LRP2: variants seen among roughly 807,000 people sequenced by gnomAD.
The protein encoded by LRP2 is low-density lipoprotein receptor-related protein 2.
Under a neutral mutation model 531.0 loss-of-function variants are expected in LRP2, and 172 were observed. The observed-to-expected ratio is 0.32, with a 90% confidence interval of 0.29 to 0.37. LRP2 has a LOEUF of 0.37. LRP2 is among the 10% of genes least tolerant of loss of function. The probability of loss-of-function intolerance (pLI) is 1.00; values close to 1 mark genes in which losing one functional copy is unlikely to be tolerated. For synonymous variants in LRP2, 1,992 were observed against 2,027.6 expected, an observed-to-expected ratio of 0.98 and a Z score of 0.47; for missense variants, 5,167 against 5,868.3, an observed-to-expected ratio of 0.88 and a Z score of 3.90.
chr2:169,244,611 A>G, intron 22 of LRP2, 82 bp downstream of exon 22: 1 of 1,557,910 alleles, frequency 6.4e-7, no homozygotes, highest in Non-Finnish European at 8.8e-7. Flanking sequence ...CATGAGCCTT[A>G]GAGGAAAGAA....
At position 169,289,050 on chromosome 2, in the gene LRP2, G is replaced by A. The variant is rs777908550; in HGVS notation, c.1018C>T (p.His340Tyr). Reference protein sequence around the residue: ...CFCPPGYIINHNDSRTCVEFD... With the variant: ...CFCPPGYIINYNDSRTCVEFD... ...CCAACACAGGTACGGCTGTCATTGTGGTTGATGATATAACCTGGGGGACAA... is the reference window on the plus strand; with the variant it reads ...CCAACACAGGTACGGCTGTCATTGTAGTTGATGATATAACCTGGGGGACAA... The change falls in exon 9 of 79, where the codon CAC becomes TAC. Residue 340 changes from histidine to tyrosine, a missense_variant. Around this residue, in one of 6 missense-constraint regions of LRP2, gnomAD observed 2,811 missense variants for 3,058.0 expected, o/e 0.92. Coordinates refer to ENST00000649046, the MANE Select transcript of LRP2 (RefSeq NM_004525.3). 5 of 1,613,924 alleles carry A rather than the reference G, an allele frequency of 3.1e-6. No homozygotes were observed. The African/African-American group carries it at 4.0e-5, about 13-fold the overall frequency.
At chr2:169,300,142 C>T (rs1229541365) in intron 4 of LRP2, among the ~76,000 whole-genome samples, 1 of 152,096 alleles carries the variant, frequency 6.6e-6, no homozygotes, top group East Asian at 1.9e-4. Context: ...ATAATTATTG[C>T]ACACCTATAG....
At chr2:169,174,993 T>C (rs1331965601) in intron 55 of LRP2, among the ~76,000 whole-genome samples, 200 bp downstream of exon 55, 3 of 149,616 alleles carry the variant, frequency 2.0e-5, no homozygotes, top group Admixed American at 1.3e-4. Context: ...CTTCAACCAT[T>C]TGCCTTGTAA....
intron 76 of LRP2, among the ~76,000 whole-genome samples, chr2:169,136,788 T>A (rs969402511): frequency 2.6e-5 from 4 of 152,016 alleles, no homozygotes; most frequent in Admixed American, 2.0e-4. Context: ...GTGAAATAAA[T>A]AGCCTTGTTG....
chr2:169,294,178 A>G lies in LRP2; in HGVS notation c.622T>C (p.Cys208Arg). 1 of 1,613,770 alleles carries G rather than the reference A, an allele frequency of 6.2e-7. No homozygotes were observed. Among genetic ancestry groups the G allele is most frequent in the Non-Finnish European group, 8.5e-7 (1 of 1,179,636 alleles). Residue 208 changes from cysteine (C) to arginine (R), a missense_variant, in exon 6 of 79, where the codon TGC becomes CGC. This residue lies in a region of LRP2 where 2,811 missense variants were observed against 3,058.0 expected (regional missense o/e 0.92). Transcript: ENST00000649046. ...RAYVCDHDND[C>R]QDGSDEHACN... Reference sequence around the variant, plus strand: ...GCATGTTCGTCACTGCCGTCTTGGCAATCATTGTCATGGTCACAGACATAA... The same window carrying G: ...GCATGTTCGTCACTGCCGTCTTGGCGATCATTGTCATGGTCACAGACATAA...
At chr2:169,350,369 G>A (rs1685814515) in intron 1 of LRP2, among the ~76,000 whole-genome samples, 2 of 152,110 alleles carry the variant, frequency 1.3e-5, no homozygotes, top group African/African-American at 4.8e-5. Context: ...TAGTGGTCTG[G>A]ATTAGATTCA....
intron 17 of LRP2, 87 bp downstream of exon 17, chr2:169,258,938 A>G (rs1325854951): frequency 8.6e-7 from 1 of 1,156,160 alleles, no homozygotes; most frequent in East Asian, 2.3e-5. Flanking sequence ...TATTTGCTGA[A>G]CTTACCTAAA....
rs568387449 is a variant in LRP2, at chr2:169,233,457, T to C, written c.5052A>G (p.Gln1684=). The change falls in exon 30 of 79, where the codon CAA becomes CAG. Residue 1684 remains glutamine (Q), a synonymous_variant. Coordinates refer to ENST00000649046, the MANE Select transcript of LRP2 (RefSeq NM_004525.3). ...GAACCGCAACAATCCCAAGGGGCCATTGAATATTATACATTACAACTGACT... is the reference window on the plus strand; with the variant it reads ...GAACCGCAACAATCCCAAGGGGCCACTGAATATTATACATTACAACTGACT... ...GNQSVVMYNI[Q]WPLGIVAVHP... 2.2e-5 allele frequency: 35 copies of C among 1,614,186 alleles called. No individual in the cohort carries two copies. Among genetic ancestry groups the C allele is most frequent in the Non-Finnish European group, 2.6e-5 (31 of 1,180,040 alleles).
At chr2:169,222,718 T>A (rs1306236500) in intron 33 of LRP2, among the ~76,000 whole-genome samples, 1 of 152,224 alleles carries the variant, frequency 6.6e-6, no homozygotes, top group Non-Finnish European at 1.5e-5. Context: ...AAATATACTG[T>A]AATAACAATT....
intron 60 of LRP2, 49 bp from the exon 61 acceptor site, chr2:169,168,725 C>G: frequency 6.2e-7 from 1 of 1,604,760 alleles, no homozygotes; most frequent in Non-Finnish European, 8.5e-7. Context: ...AAATTGACTA[C>G]TTTGGGGAAG....
At chr2:169,324,630 G>GAAA (rs11324299) in intron 1 of LRP2, among the ~76,000 whole-genome samples, 2 of 141,616 alleles carry the variant, frequency 1.4e-5, no homozygotes, top group African/African-American at 5.1e-5. Context: ...AAAGCTAGGG[G>GAAA]AAAAAAAAAA....
rs756235379 is a variant in LRP2, at chr2:169,185,907, C to T, written c.9441G>A (p.Lys3147=). 8.1e-6 allele frequency: 13 copies of T among 1,613,786 alleles called. No homozygotes were observed. In the East Asian group the frequency reaches 2.2e-4, roughly 28 times the overall value. The change falls in exon 50 of 79, where the codon AAG becomes AAA. Residue 3147 remains lysine (K), a synonymous_variant. Transcript: ENST00000649046. ...CRPGYKLMSD[K]RTCVDIDECT... is the part of the protein sequence containing the mutation. ...ATTCATCAATATCAACACAAGTCCG[C>T]TTGTCAGACATGAGCTTGTAACCAG...
chr2:169,235,431 G>T (rs1026466042), intron 29 of LRP2, among the ~76,000 whole-genome samples: 1 of 151,676 alleles, frequency 6.6e-6, no homozygotes, highest in Non-Finnish European at 1.5e-5. Flanking sequence ...TAGAGATGAG[G>T]TTTCACCATG....
intron 1 of LRP2, among the ~76,000 whole-genome samples, chr2:169,356,650 C>T (rs1444514342): frequency 6.6e-6 from 1 of 152,224 alleles, no homozygotes; most frequent in East Asian, 1.9e-4. Context: ...GCCCTTCCCA[C>T]TTCATCTCAA....
intron 3 of LRP2, among the ~76,000 whole-genome samples, chr2:169,309,576 G>A (rs978711236): frequency 2.0e-5 from 3 of 152,100 alleles, no homozygotes; most frequent in Non-Finnish European, 4.4e-5. Flanking sequence ...CTGTTCCATT[G>A]GTCTATATCT....
rs773366780 is a variant in LRP2, at chr2:169,202,932, G to A, written c.8033C>T (p.Pro2678Leu). ...PGPNGAECQC[P>L]HEGNWYLANN... ...GGCCAAATACCAGTTGCCCTCATGT[G>A]GACACTGGCACTCGGCACCATTTGG... Residue 2678 changes from proline to leucine, a missense_variant, in exon 43 of 79, where the codon CCA becomes CTA. Pro to Leu is a moderately conservative substitution (Grantham distance 98). Transcript: ENST00000649046. 7 of 1,614,006 alleles carry A rather than the reference G, an allele frequency of 4.3e-6. No homozygotes were observed. The Admixed American group carries it at 6.7e-5, about 15-fold the overall frequency.
chr2:169,226,125 C>G (rs2105361067), intron 32 of LRP2, among the ~76,000 whole-genome samples: 1 of 152,308 alleles, frequency 6.6e-6, no homozygotes, highest in South Asian at 2.1e-4. Flanking sequence ...TGGTTAGAAG[C>G]AGGTAATTCA....
Position 169,231,907 on chromosome 2 carries a change from T to A in LRP2, c.5099-65A>T, listed in dbSNP as rs116723977. The A allele has an allele frequency of 4.6e-4, 735 of 1,587,442 alleles. 3 individuals are homozygous for A. In the African/African-American group the frequency reaches 8.6e-3, roughly 19 times the overall value. On this transcript the variant is annotated intron_variant, in intron 30 of 78. Transcript: ENST00000649046. ...CCTCCACATTAAAATCAAAACAGAG[T>A]CATGCTCTTAGTGTCCTTCCAGAGG...
intron 1 of LRP2, among the ~76,000 whole-genome samples, chr2:169,349,644 A>G (rs796277895): frequency 3.3e-5 from 5 of 152,296 alleles, no homozygotes; most frequent in African/African-American, 1.2e-4. Context: ...CCTCAGCTAT[A>G]GAAAGCCACC....
Sources: allele counts gnomAD v4.1 joint callset (sites outside exome capture counted in the v4.1 genomes callset), GRCh38; gene constraint gnomAD v4.1.1; regional missense constraint gnomAD v4.1.1; transcripts MANE v1.5; gene names NCBI Gene and HGNC (gene_info 2026-07-23, HGNC 2026-07-21).